SBK1: variants seen among roughly 807,000 people sequenced by gnomAD.
SBK1 encodes serine/threonine-protein kinase SBK1.
Under a neutral mutation model 24.4 loss-of-function variants are expected in SBK1, and 11 were observed. The observed-to-expected ratio is 0.45, with a 90% CI of 0.28 to 0.75. The LOEUF (loss-of-function observed/expected upper bound fraction) is 0.75. Among genes scored for constraint, SBK1 ranks in the 30% least tolerant of loss-of-function variants. SBK1 has a pLI of 0.12. For synonymous variants in SBK1, 308 were observed against 284.4 expected (o/e 1.08, Z -0.83); for missense variants, 467 against 620.5 (o/e 0.75, Z 2.63).
intron 1 of SBK1, among the ~76,000 whole-genome samples, chr16:28,263,895 C>G (rs1448882483): frequency 1.3e-5 from 2 of 152,088 alleles, no homozygotes; most frequent in Non-Finnish European, 2.9e-5. Flanking sequence ...GAGACCAAAA[C>G]AGGAGGATTG....
chr16:28,284,104 C>T (rs2044550237), intron 1 of SBK1, among the ~76,000 whole-genome samples: 1 of 152,220 alleles, frequency 6.6e-6, no homozygotes, highest in Non-Finnish European at 1.5e-5. Flanking sequence ...GAGTTGGTAA[C>T]ACGACGCTTG....
chr16:28,283,001 C>T (rs1023016723), intron 1 of SBK1, among the ~76,000 whole-genome samples: 44 of 152,006 alleles, frequency 2.9e-4, no homozygotes, highest in Non-Finnish European at 1.3e-4. Context: ...GGCGTGATCT[C>T]GGCTCACTGC....
chr16:28,320,308 A>T lies in SBK1; in HGVS notation c.662A>T (p.Gln221Leu). ...CCTTACACGGCGCCTGAGGTGTGCC[A>T]GGCGGGCCGCGCCGACGGGCTGGCG... ...TIPYTAPEVC[Q>L]AGRADGLAVD... The change falls in exon 4 of 4, where the codon CAG becomes CTG. Residue 221 changes from glutamine to leucine, a missense_variant. By Grantham distance (113) the Gln-to-Leu change is moderately radical. Coordinates refer to ENST00000341901, the MANE Select transcript of SBK1 (RefSeq NM_001024401.3). This position sits in a 1 kb window ranked among gnomAD's most constrained non-coding sequence, Gnocchi z 8.5. 1 of 1,591,718 alleles carries T rather than the reference A, an allele frequency of 6.3e-7. No homozygotes were observed. The highest frequency in any genetic ancestry group is 8.5e-7 in the Non-Finnish European group (1 of 1,175,374).
At chr16:28,310,606 G>T (rs749388625) in intron 1 of SBK1, among the ~76,000 whole-genome samples, 1 of 152,210 alleles carries the variant, frequency 6.6e-6, no homozygotes, top group Admixed American at 6.5e-5. Context: ...CACTTTGAGA[G>T]GCCAAGGCAG....
intron 1 of SBK1, among the ~76,000 whole-genome samples, chr16:28,309,665 G>A (rs1596551830): frequency 1.3e-5 from 2 of 152,278 alleles, no homozygotes; most frequent in East Asian, 1.9e-4. Context: ...GGGAGGCTGA[G>A]GCAAGAGGAT....
intron 1 of SBK1, among the ~76,000 whole-genome samples, chr16:28,283,207 A>T (rs1293612965): frequency 6.6e-6 from 1 of 152,090 alleles, no homozygotes; most frequent in African/African-American, 2.4e-5. Flanking sequence ...CTGGGATTAC[A>T]AGTATGAGCC....
chr16:28,275,526 T>C (rs937031904), intron 1 of SBK1, among the ~76,000 whole-genome samples: 1 of 151,980 alleles, frequency 6.6e-6, no homozygotes, highest in Non-Finnish European at 1.5e-5. Flanking sequence ...CAGAAATGGC[T>C]CAAGACGTGG....
intron 1 of SBK1, among the ~76,000 whole-genome samples, chr16:28,312,978 A>G (rs892213881): frequency 2.0e-5 from 3 of 152,236 alleles, no homozygotes; most frequent in Non-Finnish European, 4.4e-5. Context: ...TACTAAAAAT[A>G]CAAAAATTAG....
At chr16:28,289,526 G>A (rs2044586237), upstream of SBK1, among the ~76,000 whole-genome samples, 1 of 152,242 alleles carries the variant, frequency 6.6e-6, no homozygotes, top group Non-Finnish European at 1.5e-5. Flanking sequence ...AGCACTTTGG[G>A]AGGCTGAGGT....
At chr16:28,305,912 A>G (rs552785186) in intron 1 of SBK1, among the ~76,000 whole-genome samples, 11 of 152,306 alleles carry the variant, frequency 7.2e-5, no homozygotes, top group Non-Finnish European at 1.5e-4. Flanking sequence ...TGCCTTGCTT[A>G]CATATTTTCA....
chr16:28,260,959 C>A (rs965782074), intron 1 of SBK1, among the ~76,000 whole-genome samples: 14 of 152,014 alleles, frequency 9.2e-5, no homozygotes, highest in African/African-American at 2.9e-4. Context: ...GAAAGGGCAT[C>A]GCAGGCAGTG....
chr16:28,317,679 G>A lies in SBK1; in HGVS notation c.226+62G>A, dbSNP rs1238332595. On this transcript the variant is annotated intron_variant, in intron 2 of 3. Transcript: ENST00000341901. This position sits in a 1 kb window ranked among gnomAD's most constrained non-coding sequence, Gnocchi z 4.2. ...GGTGGGGCAGGGCTGGGAGGTCAGGGTTGGGGGACATGACCTTGCAGCTGG... is the reference window on the plus strand; with the variant it reads ...GGTGGGGCAGGGCTGGGAGGTCAGGATTGGGGGACATGACCTTGCAGCTGG... The A allele has an allele frequency of 1.7e-6, 2 of 1,150,264 alleles. No homozygotes were observed. Among genetic ancestry groups the A allele is most frequent in the Non-Finnish European group, 2.6e-6 (2 of 768,050 alleles). 71.3% of individuals were successfully genotyped at this position (1,150,264 alleles called of 1,614,324 possible).
intron 1 of SBK1, among the ~76,000 whole-genome samples, chr16:28,269,622 C>T (rs1458747958): frequency 1.3e-5 from 2 of 151,110 alleles, no homozygotes; most frequent in East Asian, 2.0e-4. Context: ...AATCCCAGCA[C>T]TTTGGGAGGC....
intron 1 of SBK1, among the ~76,000 whole-genome samples, chr16:28,265,238 A>AC (rs1431087128): frequency 6.6e-6 from 1 of 150,500 alleles, no homozygotes; most frequent in Non-Finnish European, 1.5e-5. Flanking sequence ...GCAACATGAG[A>AC]CCCCCATCTC....
chr16:28,283,912 C>T (rs1347548914), intron 1 of SBK1, among the ~76,000 whole-genome samples: 1 of 152,190 alleles, frequency 6.6e-6, no homozygotes, highest in East Asian at 1.9e-4. Context: ...GCTCTGCTGG[C>T]ATCCAGAGTG....
intron 1 of SBK1, among the ~76,000 whole-genome samples, chr16:28,280,150 T>TATATATATATAG: frequency 2.4e-5 from 1 of 41,642 alleles, no homozygotes; most frequent in Non-Finnish European, 5.6e-5. Context: ...TATATATATA[T>TATATATATATAG]GTGTGTGTGT....
chr16:28,301,733 A>G (rs1047422003), intron 1 of SBK1, among the ~76,000 whole-genome samples: 1 of 152,182 alleles, frequency 6.6e-6, no homozygotes, highest in African/African-American at 2.4e-5. Context: ...AGAGTCAACG[A>G]CAGATCCAAG....
rs1402504722 is a variant in SBK1 at position 28,321,332 on chromosome 16, G to C, written c.*411G>C. On this transcript the variant is annotated 3_prime_UTR_variant, in exon 4 of 4. Transcript: ENST00000341901. Reference sequence around the variant, plus strand: ...TGCTCCTGGCCTTCCATACCCCCTGGCAGATCATCCTGCGGTCCCACCCCA... The same window carrying C: ...TGCTCCTGGCCTTCCATACCCCCTGCCAGATCATCCTGCGGTCCCACCCCA... The C allele has an allele frequency of 6.4e-6, 1 of 155,700 alleles. No individual in the cohort carries two copies. Among genetic ancestry groups the C allele is most frequent in the African/African-American group, 2.4e-5 (1 of 41,380 alleles). The allele number at this position is 155,700 out of a possible 1,614,324, so 9.6% of individuals were successfully genotyped here. A position where few individuals can be genotyped will look rare whatever the true frequency, so the allele number is the denominator to read the frequency against.
intron 1 of SBK1, among the ~76,000 whole-genome samples, chr16:28,293,779 T>C (rs1437214905): frequency 1.3e-5 from 2 of 152,020 alleles, no homozygotes; most frequent in African/African-American, 4.8e-5. Flanking sequence ...TGTGTGTCTT[T>C]GTCTGTGAGA....
Sources: allele counts gnomAD v4.1 joint callset (sites outside exome capture counted in the v4.1 genomes callset), GRCh38; gene constraint gnomAD v4.1.1; non-coding constraint Gnocchi (gnomAD v3.1); transcripts MANE v1.5; gene names NCBI Gene and HGNC (gene_info 2026-07-23, HGNC 2026-07-21).